SLC24A2: variants seen among roughly 807,000 people sequenced by gnomAD.
SLC24A2 encodes the protein solute carrier family 24 member 2, also known as sodium/potassium/calcium exchanger 2.
A neutral mutation model predicts 62.0 loss-of-function variants in SLC24A2; 36 were observed. The observed-to-expected ratio is 0.58, with a 90% CI of 0.44 to 0.77. The LOEUF (loss-of-function observed/expected upper bound fraction) is 0.77, where lower values mean the gene tolerates loss of function less well. Among genes scored for constraint, SLC24A2 ranks in the 30% least tolerant of loss-of-function variants. SLC24A2 has a pLI of 0.00. For missense variants in SLC24A2, 846 were observed against 817.9 expected (o/e 1.03, Z -0.42); for synonymous variants, 358 against 294.0 (o/e 1.22, Z -2.23).
At chr9:20,040,647 A>G in the SLC24A2 span, among the ~76,000 whole-genome samples, 33 of 152,356 alleles carry the variant, frequency 2.2e-4, no homozygotes, top group Non-Finnish European at 4.0e-4. Context: ...ACATAGAAAT[A>G]CATGAATTAA....
intron 8 of SLC24A2, among the ~76,000 whole-genome samples, chr9:19,535,229 T>G (rs1224694702): frequency 6.6e-6 from 1 of 152,186 alleles, no homozygotes; most frequent in East Asian, 1.9e-4. Flanking sequence ...TAAATTTAAG[T>G]TCTTTGAAGA....
chr9:19,666,711 T>G (rs1819264748), intron 2 of SLC24A2, among the ~76,000 whole-genome samples: 1 of 152,184 alleles, frequency 6.6e-6, no homozygotes, highest in African/African-American at 2.4e-5. Context: ...AGCAGCTTTT[T>G]TTTCCCCTGT....
At chr9:19,636,366 T>TC (rs1818346416) in intron 2 of SLC24A2, among the ~76,000 whole-genome samples, 1 of 36,792 alleles carries the variant, frequency 2.7e-5, no homozygotes, top group African/African-American at 1.3e-4. Flanking sequence ...TTTCTTTCTT[T>TC]CTTTCTTTCT....
Position 19,786,122 on chromosome 9 carries a change from A to C in SLC24A2, c.745T>G (p.Leu249Val), listed in dbSNP as rs767958883. The stretch of plus-strand genomic sequence containing the variant: ...AGGAAAAATATGATCAGCATGATCA[A>C]GTCAACAATGTAGAAAGACACATCT... Reference protein sequence around the residue: ...FRDVSFYIVDLIMLIIFFLDN... With the variant: ...FRDVSFYIVDVIMLIIFFLDN... Residue 249 changes from leucine (L) to valine (V), a missense_variant, in exon 2 of 11, where the codon TTG becomes GTG. By Grantham distance (32) the Leu-to-Val change is conservative (BLOSUM62 1). Coordinates refer to ENST00000341998, the MANE Select transcript of SLC24A2 (RefSeq NM_020344.4). This position sits in a 1 kb window ranked among gnomAD's most constrained non-coding sequence, Gnocchi z 5.0. The C allele has an allele frequency of 1.2e-6, 2 of 1,614,218 alleles. No homozygotes were observed. The highest frequency in any genetic ancestry group is 2.2e-5 in the South Asian group (2 of 91,084).
At chr9:20,106,171 A>G in the SLC24A2 span, among the ~76,000 whole-genome samples, 1 of 152,246 alleles carries the variant, frequency 6.6e-6, no homozygotes, top group Admixed American at 6.5e-5. Context: ...CTCTGAATAG[A>G]CCAATAACAG....
the SLC24A2 span, among the ~76,000 whole-genome samples, chr9:20,099,724 A>T: frequency 6.6e-6 from 1 of 152,212 alleles, no homozygotes; most frequent in East Asian, 1.9e-4. Flanking sequence ...AAGTAGACTA[A>T]CAAGACTTAA....
At chr9:19,972,046 G>T in the SLC24A2 span, among the ~76,000 whole-genome samples, 1 of 152,206 alleles carries the variant, frequency 6.6e-6, no homozygotes, top group South Asian at 2.1e-4. Context: ...AGAGCTTAGG[G>T]AACCAAACAA....
At chr9:19,636,654 C>T (rs547702659) in intron 2 of SLC24A2, among the ~76,000 whole-genome samples, 15 of 152,048 alleles carry the variant, frequency 9.9e-5, no homozygotes, top group Non-Finnish European at 1.0e-4. Context: ...AGGCTGGTCT[C>T]GAACTCCTGA....
chr9:20,217,430 G>C, the SLC24A2 span, among the ~76,000 whole-genome samples: 2 of 152,082 alleles, frequency 1.3e-5, no homozygotes, highest in African/African-American at 2.4e-5. Flanking sequence ...TTGTATAATT[G>C]ATCAGTCTGG....
chr9:20,197,101 A>G, the SLC24A2 span, among the ~76,000 whole-genome samples: 1 of 152,128 alleles, frequency 6.6e-6, no homozygotes, highest in African/African-American at 2.4e-5. Flanking sequence ...TTTTTGTTTT[A>G]TTGCAGTAAA....
the SLC24A2 span, among the ~76,000 whole-genome samples, chr9:20,174,421 C>T: frequency 6.6e-6 from 1 of 151,766 alleles, no homozygotes; most frequent in African/African-American, 2.4e-5. Flanking sequence ...ACAGACAACC[C>T]ACAGAGTGGA....
chr9:20,037,599 G>A, the SLC24A2 span, among the ~76,000 whole-genome samples: 1 of 152,196 alleles, frequency 6.6e-6, no homozygotes, highest in Non-Finnish European at 1.5e-5. Flanking sequence ...TAGGGCAAGG[G>A]TAAGTGAGTC....
chr9:20,160,246 G>C, the SLC24A2 span, among the ~76,000 whole-genome samples: 3,025 of 151,472 alleles, frequency 0.02, 104 homozygotes, highest in African/African-American at 0.069. Flanking sequence ...ACATTTAACA[G>C]TTATAAATAC....
At chr9:20,286,336 G>A in the SLC24A2 span, among the ~76,000 whole-genome samples, 1 of 152,316 alleles carries the variant, frequency 6.6e-6, no homozygotes, top group South Asian at 2.1e-4. Context: ...TGATGTGGCA[G>A]CTGTCACATC....
the SLC24A2 span, among the ~76,000 whole-genome samples, chr9:20,248,672 G>T: frequency 1.1e-4 from 17 of 152,058 alleles, no homozygotes; most frequent in African/African-American, 3.9e-4. Context: ...TATGAATTTG[G>T]GGGGCCACAT....
chr9:19,810,395 A>T, the SLC24A2 span, among the ~76,000 whole-genome samples: 1 of 152,226 alleles, frequency 6.6e-6, no homozygotes, highest in South Asian at 2.1e-4. Context: ...TAGTCTTTTT[A>T]AAAGAAAAAC....
At chr9:19,744,406 T>C (rs1470242990) in intron 2 of SLC24A2, among the ~76,000 whole-genome samples, 1 of 152,182 alleles carries the variant, frequency 6.6e-6, no homozygotes, top group Non-Finnish European at 1.5e-5. Context: ...TCAGTTCTTC[T>C]CTATCCTCAC....
intron 3 of SLC24A2, among the ~76,000 whole-genome samples, chr9:19,621,427 C>T (rs1188425347): frequency 2.0e-5 from 3 of 152,160 alleles, no homozygotes; most frequent in Middle Eastern, 3.2e-3. Context: ...AGGACAGGGT[C>T]ATATGTATCT....
intron 10 of SLC24A2, 98 bp from the exon 11 acceptor site, chr9:19,516,500 G>A: frequency 7.1e-7 from 1 of 1,415,194 alleles, no homozygotes; most frequent in Non-Finnish European, 9.7e-7. Context: ...ACCTTCTCAG[G>A]AACTCTAAAC....
Sources: allele counts gnomAD v4.1 joint callset (sites outside exome capture counted in the v4.1 genomes callset), GRCh38; gene constraint gnomAD v4.1.1; non-coding constraint Gnocchi (gnomAD v3.1); transcripts MANE v1.5; gene names NCBI Gene and HGNC (gene_info 2026-07-23, HGNC 2026-07-21).